CNGA3: variants seen among roughly 807,000 people sequenced by gnomAD.
CNGA3 encodes the protein cyclic nucleotide gated channel subunit alpha 3.
CNGA3 carries 42 observed loss-of-function variants against 46.6 expected under a neutral mutation model. That is an observed-to-expected ratio of 0.90 (90% confidence interval 0.70 to 1.17). The LOEUF (loss-of-function observed/expected upper bound fraction) is 1.17, where lower values mean the gene tolerates loss of function less well. CNGA3 is among the 50% of genes most tolerant of loss of function. The pLI, the probability that CNGA3 is intolerant of heterozygous loss-of-function variation, is 0.00. For synonymous variants in CNGA3, 394 were observed against 369.4 expected (o/e 1.07, Z -0.76); for missense variants, 893 against 890.7 (o/e 1.00, Z -0.03).
chr2:98,389,542 T>C (rs1574385142), intron 5 of CNGA3, 116 bp from the exon 6 acceptor site: 1 of 884,372 alleles, frequency 1.1e-6, no homozygotes, highest in Non-Finnish European at 1.9e-6. Flanking sequence ...AAGAGGACCC[T>C]GTTGTGGACA....
At chr2:98,392,047 G>A (rs1692803028) in intron 7 of CNGA3, 77 bp downstream of exon 7, 2 of 1,279,222 alleles carry the variant, frequency 1.6e-6, no homozygotes, top group Admixed American at 3.5e-5. Flanking sequence ...TGGTGGATGG[G>A]ACATTACCTA....
chr2:98,346,711 G>C (rs1200501503), intron 1 of CNGA3, among the ~76,000 whole-genome samples, 177 bp downstream of exon 1: 3 of 152,102 alleles, frequency 2.0e-5, no homozygotes, highest in African/African-American at 7.2e-5. Flanking sequence ...AACGGGCCGC[G>C]GGCTGGAGAG....
intron 2 of CNGA3, among the ~76,000 whole-genome samples, chr2:98,371,341 T>C (rs1692281870): frequency 6.6e-6 from 1 of 152,220 alleles, no homozygotes; most frequent in Non-Finnish European, 1.5e-5. Context: ...CTCATTCATT[T>C]GTGTTCATCA....
chr2:98,387,146 G>T (rs142415137), intron 5 of CNGA3, among the ~76,000 whole-genome samples: 378 of 152,340 alleles, frequency 2.5e-3, no homozygotes, highest in Non-Finnish European at 4.1e-3. Context: ...CACGTCACTA[G>T]CTCTTCTGAA....
At chr2:98,361,064 C>T (rs542886884) in intron 1 of CNGA3, among the ~76,000 whole-genome samples, 30 of 151,704 alleles carry the variant, frequency 2.0e-4, no homozygotes, top group African/African-American at 5.8e-4. Context: ...ATGCGCAGGA[C>T]GTGCAGGTTT....
chr2:98,362,539 T>A (rs769557835), intron 1 of CNGA3, among the ~76,000 whole-genome samples: 16 of 152,128 alleles, frequency 1.1e-4, no homozygotes, highest in Non-Finnish European at 2.4e-4. Context: ...TCCTTATAGA[T>A]GCTGGATGTT....
intron 1 of CNGA3, among the ~76,000 whole-genome samples, chr2:98,365,821 T>C (rs1426312634): frequency 1.3e-5 from 2 of 152,236 alleles, no homozygotes; most frequent in Non-Finnish European, 2.9e-5. Context: ...GGTTCTTAGC[T>C]TCTTTGCATT....
At chr2:98,390,169 T>TCTGTC (rs1213280449) in intron 6 of CNGA3, among the ~76,000 whole-genome samples, 1 of 151,418 alleles carries the variant, frequency 6.6e-6, no homozygotes, top group Admixed American at 6.6e-5. Flanking sequence ...AGAGTCTCAC[T>TCTGTC]CTGTCACCCA....
chr2:98,352,946 T>C (rs1185544811), intron 1 of CNGA3, among the ~76,000 whole-genome samples: 1 of 152,206 alleles, frequency 6.6e-6, no homozygotes, highest in Non-Finnish European at 1.5e-5. Flanking sequence ...GCTGATCCCC[T>C]ATGCAGTCAA....
intron 2 of CNGA3, among the ~76,000 whole-genome samples, chr2:98,373,845 C>T (rs529141196): frequency 1.7e-4 from 26 of 152,244 alleles, no homozygotes; most frequent in African/African-American, 9.6e-5. Context: ...CTTTGGGGCA[C>T]GGGGGTTTGT....
At chr2:98,384,180 G>A (rs1173094267) in intron 5 of CNGA3, among the ~76,000 whole-genome samples, 1 of 152,136 alleles carries the variant, frequency 6.6e-6, no homozygotes, top group Admixed American at 6.5e-5. Context: ...GAGCCACTGC[G>A]CCTCGCCTGA....
intron 1 of CNGA3, among the ~76,000 whole-genome samples, chr2:98,364,740 T>C (rs1692107715): frequency 1.3e-5 from 2 of 152,184 alleles, no homozygotes; most frequent in African/African-American, 4.8e-5. Context: ...TCTGTTTTTG[T>C]AGTGGCTGAT....
chr2:98,370,182 G>C (rs778033483), intron 2 of CNGA3, 106 bp downstream of exon 2: 133 of 896,298 alleles, frequency 1.5e-4, no homozygotes, highest in Non-Finnish European at 2.3e-4. Flanking sequence ...CCAGCCACAG[G>C]TCAGAGGGCA....
At position 98,391,954 on chromosome 2, in the gene CNGA3, T is replaced by C; in HGVS notation, c.657T>C (p.Leu219=). The change falls in exon 7 of 8, where the codon CTT becomes CTC. Residue 219 remains leucine, a synonymous_variant. Coordinates refer to ENST00000272602, the MANE Select transcript of CNGA3 (RefSeq NM_001298.3). ...ATGTCCTGTATGTCTTGGATGTGCT[T>C]GTACGAGCTCGGACAGGTGAGTGTG... ...SADVLYVLDV[L]VRARTGFLEQ... 1 of 1,614,028 alleles carries C rather than the reference T, an allele frequency of 6.2e-7. No homozygotes were observed. Among genetic ancestry groups the C allele is most frequent in the African/African-American group, 1.3e-5 (1 of 75,048 alleles).
At position 98,396,298 on chromosome 2, in the gene CNGA3, G is replaced by A. The variant is rs1426466250; in HGVS notation, c.1128G>A (p.Glu376=). ...AGACCCCACCCCCCGTGAAAGATGAGGAGTATCTCTTTGTGGTCGTAGACT... is the reference window on the plus strand; with the variant it reads ...AGACCCCACCCCCCGTGAAAGATGAAGAGTATCTCTTTGTGGTCGTAGACT... ...IGETPPPVKD[E]EYLFVVVDFL... is the part of the protein sequence containing the mutation. The change falls in exon 8 of 8, where the codon GAG becomes GAA. Residue 376 remains glutamate (E), a synonymous_variant. Coordinates refer to ENST00000272602, the MANE Select transcript of CNGA3 (RefSeq NM_001298.3). The A allele has an allele frequency of 6.2e-6, 10 of 1,610,698 alleles. No individual in the cohort carries two copies. The highest frequency in any genetic ancestry group is 3.3e-4 in the Middle Eastern group (2 of 6,072).
intron 2 of CNGA3, among the ~76,000 whole-genome samples, chr2:98,376,067 C>T (rs1033996393): frequency 5.9e-5 from 9 of 151,884 alleles, no homozygotes; most frequent in Non-Finnish European, 1.2e-4. Context: ...CCAATGCTTC[C>T]AAAACATCGA....
At chr2:98,377,267 C>T (rs768672831) in intron 2 of CNGA3, 19 of 197,428 alleles carry the variant, frequency 9.6e-5, no homozygotes, top group Non-Finnish European at 1.2e-4. Context: ...CCCTAAGGAG[C>T]GGGTATTCAA....
At position 98,380,189 on chromosome 2, in the gene CNGA3, T is replaced by C; in HGVS notation, c.230T>C (p.Ile77Thr). The C allele has an allele frequency of 6.2e-7, 1 of 1,614,180 alleles. No individual in the cohort carries two copies. The highest frequency in any genetic ancestry group is 8.5e-7 in the Non-Finnish European group (1 of 1,180,046). ...GQGIARLSRL[I>T]FLLRRWAARH... Reference sequence around the variant, plus strand: ...TCACCTTCCAGGCTGTCGCGCCTCATCTTCTTGCTGCGCAGGTGGGCTGCC... The same window carrying C: ...TCACCTTCCAGGCTGTCGCGCCTCACCTTCTTGCTGCGCAGGTGGGCTGCC... Residue 77 changes from isoleucine (I) to threonine (T), a missense_variant, in exon 4 of 8, where the codon ATC becomes ACC. Ile to Thr is a moderately conservative substitution (Grantham distance 89). Around this residue, in one of 3 missense-constraint regions of CNGA3, gnomAD observed 333 missense variants for 290.8 expected, o/e 1.15. Coordinates refer to ENST00000272602, the MANE Select transcript of CNGA3 (RefSeq NM_001298.3).
Position 98,396,858 on chromosome 2 carries a change from G to A in CNGA3, c.1688G>A (p.Arg563His), listed in dbSNP as rs552069173. ...ATCAAGGGGAGCAAGTCGGGGAACC[G>A]CAGGACGGCCAACATCCGCAGCATT... ...LNIKGSKSGN[R>H]RTANIRSIGY... is the part of the protein sequence containing the mutation. The change falls in exon 8 of 8, where the codon CGC becomes CAC. Residue 563 changes from arginine (R) to histidine (H), a missense_variant. Arg to His is a conservative substitution (Grantham distance 29, BLOSUM62 0). Around this residue, in one of 3 missense-constraint regions of CNGA3, gnomAD observed 548 missense variants for 570.8 expected, o/e 0.96. Coordinates refer to ENST00000272602, the MANE Select transcript of CNGA3 (RefSeq NM_001298.3). 4.3e-5 allele frequency: 69 copies of A among 1,614,056 alleles called. No homozygotes were observed. Among genetic ancestry groups the A allele is most frequent in the Admixed American group, 1.7e-4 (10 of 60,008 alleles).
Sources: gnomAD v4.1 joint callset for allele counts (sites outside exome capture counted in the v4.1 genomes callset) on GRCh38, gnomAD v4.1.1 for gene constraint, gnomAD v4.1.1 regional missense constraint, MANE v1.5 for transcripts, NCBI Gene and HGNC (gene_info 2026-07-23, HGNC 2026-07-21) for gene names.